The following EXOC3L2 variants were observed in gnomAD, a reference collection of about 807,000 sequenced individuals.
EXOC3L2 encodes the protein exocyst complex component 3-like protein 2.
A neutral mutation model predicts 44.4 loss-of-function variants in EXOC3L2; 17 were observed. That is an observed-to-expected ratio of 0.38 (90% confidence interval 0.26 to 0.57). The LOEUF (loss-of-function observed/expected upper bound fraction) is 0.57. Among genes scored for constraint, EXOC3L2 ranks in the 20% least tolerant of loss-of-function variants. EXOC3L2 has a pLI of 0.65. For missense variants in EXOC3L2, 541 were observed against 588.4 expected, an observed-to-expected ratio of 0.92 and a Z score of 0.83; for synonymous variants, 256 against 253.7, an observed-to-expected ratio of 1.01 and a Z score of -0.09.
chr19:45,217,471 G>C (rs1969847206), intron 10 of EXOC3L2, 57 bp downstream of exon 10: 4 of 1,473,486 alleles, frequency 2.7e-6, no homozygotes, highest in Non-Finnish European at 3.6e-6. Context: ...TGAGATTCTC[G>C]GAAGCCAAGC....
rs576045063 is a variant in EXOC3L2 at position 45,234,140 on chromosome 19, AG to A, written c.1157+52del. 2.3e-5 allele frequency: 9 copies of A among 385,714 alleles called. No individual in the cohort carries two copies. The South Asian group carries it at 1.0e-3, about 44-fold the overall frequency. 23.9% of individuals were successfully genotyped at this position (385,714 alleles called of 1,614,324 possible). ...CTTAAGGTCTGAAGAAGCCAGTGCT[AG>A]GGGGTAGGGCTGAGGGTTTCACGTG... is the stretch of plus-strand genomic sequence containing the variant. On this transcript the variant is annotated intron_variant, in intron 3 of 11. Transcript: ENST00000413988. This position sits in a 1 kb window ranked among gnomAD's most constrained non-coding sequence, Gnocchi z 5.0.
Position 45,217,519 on chromosome 19 carries a change from G to A in EXOC3L2, c.1998+9C>T, listed in dbSNP as rs1969848105. 17 of 1,572,066 alleles carry A rather than the reference G, an allele frequency of 1.1e-5. No homozygotes were observed. Among genetic ancestry groups the A allele is most frequent in the Admixed American group, 5.4e-5 (3 of 55,930 alleles). The stretch of plus-strand genomic sequence containing the variant: ...TCTGAAACACCCCCAACCGCGTCCC[G>A]ACACTGACCAGCCGCCGGAACAGCC... On this transcript the variant is annotated intron_variant, in intron 10 of 11. Transcript: ENST00000413988.
At position 45,213,031 on chromosome 19, in the gene EXOC3L2, C is replaced by T. The variant is rs1568478148; in HGVS notation, c.*38G>A. ...GTACGGGAGGTTGGCTTGTCAGCAG[C>T]ATAGATGGGGTCACTAAGGCCGGCG... On this transcript the variant is annotated 3_prime_UTR_variant, in exon 12 of 12. Transcript: ENST00000413988. The T allele has an allele frequency of 7.6e-6, 11 of 1,451,676 alleles. No individual in the cohort carries two copies. The highest frequency in any genetic ancestry group is 9.0e-6 in the Non-Finnish European group (10 of 1,107,796). The allele number at this position is 1,451,676 out of a possible 1,614,324, so 89.9% of individuals were successfully genotyped here. A position where few individuals can be genotyped will look rare whatever the true frequency, so the allele number is the denominator to read the frequency against.
chr19:45,231,772 T>C lies in EXOC3L2; in HGVS notation c.1260A>G (p.Thr420=), dbSNP rs1427142003. The part of the protein sequence containing the change: ...TLRGLEDECV[T]DVKAQTRAAL... ...GCAAAGTTCCAGGTACCTTAACATC[T>C]GTGACGCATTCATCCTCCAAACCCC... is the stretch of plus-strand genomic sequence containing the variant. Residue 420 remains threonine, a synonymous_variant, in exon 4 of 12, where the codon ACA becomes ACG. Coordinates refer to ENST00000413988, the MANE Select transcript of EXOC3L2 (RefSeq NM_001382422.1). The C allele has an allele frequency of 6.2e-7, 1 of 1,608,930 alleles. No individual in the cohort carries two copies. Among genetic ancestry groups the C allele is most frequent in the South Asian group, 1.1e-5 (1 of 90,740 alleles).
intron 11 of EXOC3L2, 138 bp from the exon 12 acceptor site, chr19:45,213,495 G>T (rs1599758896): frequency 2.1e-6 from 2 of 972,614 alleles, no homozygotes; most frequent in East Asian, 2.8e-5. Context: ...CCCCTCCAGA[G>T]CCTTCCCTCC....
chr19:45,218,219 C>A lies in EXOC3L2; in HGVS notation c.1820G>T (p.Arg607Ile), dbSNP rs1275911330. 1 of 1,381,324 alleles carries A rather than the reference C, an allele frequency of 7.2e-7. No individual in the cohort carries two copies. The highest frequency in any genetic ancestry group is 9.6e-7 in the Non-Finnish European group (1 of 1,037,824). 85.6% of individuals were successfully genotyped at this position (1,381,324 alleles called of 1,614,324 possible). A position where few individuals can be genotyped will look rare whatever the true frequency, so the allele number is the denominator to read the frequency against. The change falls in exon 9 of 12, where the codon AGA becomes ATA. Residue 607 changes from arginine to isoleucine, a missense_variant. Coordinates refer to ENST00000413988, the MANE Select transcript of EXOC3L2 (RefSeq NM_001382422.1). ...CACCTGGTAAGGCTCGTCCTGCATT[C>A]TGCGCAGGGCCAGGGCCTGGGCACC... ...TLGAQALALR[R>I]MQDEPYQALV...
At chr19:45,217,374 G>A (rs1167843563) in intron 10 of EXOC3L2, among the ~76,000 whole-genome samples, 154 bp downstream of exon 10, 1 of 152,152 alleles carries the variant, frequency 6.6e-6, no homozygotes, top group Non-Finnish European at 1.5e-5. Context: ...AAAGGGTGTC[G>A]GTCAAAGTTA....
rs1027937837 is a variant in EXOC3L2 at position 45,217,784 on chromosome 19, C to T, written c.1843-101G>A. 34 of 1,320,730 alleles carry T rather than the reference C, an allele frequency of 2.6e-5. 1 individual carries two copies. In the African/African-American group the frequency reaches 4.8e-4, roughly 19 times the overall value. The allele number at this position is 1,320,730 out of a possible 1,614,324, so 81.8% of individuals were successfully genotyped here. A position where few individuals can be genotyped will look rare whatever the true frequency, so the allele number is the denominator to read the frequency against. On this transcript the variant is annotated intron_variant, in intron 9 of 11. Transcript: ENST00000413988. The stretch of plus-strand genomic sequence containing the variant: ...CCCCCGCCCCACTCGCCCACATCCA[C>T]TCCGGGCACCCATGGGCACCCTTCC...
intron 8 of EXOC3L2, among the ~76,000 whole-genome samples, chr19:45,219,599 G>T (rs1340362041): frequency 2.0e-5 from 3 of 151,956 alleles, no homozygotes; most frequent in Admixed American, 1.3e-4. Flanking sequence ...CCTCCTTTTT[G>T]AAAGTTGCCT....
chr19:45,236,132 G>A (rs562138954), intron 2 of EXOC3L2, among the ~76,000 whole-genome samples: 1 of 151,780 alleles, frequency 6.6e-6, no homozygotes, highest in African/African-American at 2.4e-5. Context: ...TTGGAGAGGT[G>A]GGGGAGGGGA....
chr19:45,224,826 G>C lies in EXOC3L2; in HGVS notation c.1671C>G (p.Thr557=). Residue 557 remains threonine (T), a synonymous_variant, in exon 8 of 12, where the codon ACC becomes ACG. Transcript: ENST00000413988. Reference sequence around the variant, plus strand: ...TGGCCACGACACGGTGGCAGAGCCGGGTCACATGGTCCAGAGCACTAGCAG... The same window carrying C: ...TGGCCACGACACGGTGGCAGAGCCGCGTCACATGGTCCAGAGCACTAGCAG... The part of the protein sequence containing the change: ...EASASALDHV[T]RLCHRVVANL... 1 of 1,589,650 alleles carries C rather than the reference G, an allele frequency of 6.3e-7. No homozygotes were observed. Among genetic ancestry groups the C allele is most frequent in the Non-Finnish European group, 8.6e-7 (1 of 1,168,406 alleles).
At position 45,238,932 on chromosome 19, in the gene EXOC3L2, T is replaced by A. The variant is rs1229807787; in HGVS notation, c.114A>T (p.Glu38Asp). The change falls in exon 2 of 12, where the codon GAA (glutamate) becomes GAT (aspartate). Residue 38 changes from glutamate to aspartate, a missense_variant. Physicochemically the swap from Glu to Asp is conservative, Grantham distance 45. Coordinates refer to ENST00000413988, the MANE Select transcript of EXOC3L2 (RefSeq NM_001382422.1). The surrounding 1 kb of genome is among the most constrained non-coding windows in gnomAD (Gnocchi z 5.5). ...GGAGGGACCCCAGCTCCCCGGCCTC[T>A]TCTTCCTCCAGCCCTGAAACTTCTT... The part of the protein sequence containing the change: ...PFEEVSGLEE[E>D]EAGELGSLPN... 1 of 399,208 alleles carries A rather than the reference T, an allele frequency of 2.5e-6. No individual in the cohort carries two copies. Among genetic ancestry groups the A allele is most frequent in the Admixed American group, 4.4e-5 (1 of 22,728 alleles). 24.7% of individuals were successfully genotyped at this position (399,208 alleles called of 1,614,324 possible). A position where few individuals can be genotyped will look rare whatever the true frequency, so the allele number is the denominator to read the frequency against.
At chr19:45,243,781 C>G (rs542194805) in intron 1 of EXOC3L2, among the ~76,000 whole-genome samples, 5 of 152,226 alleles carry the variant, frequency 3.3e-5, no homozygotes, top group African/African-American at 7.2e-5. Context: ...AGGTGCCCAC[C>G]ACCACGCCTG....
At chr19:45,245,306 G>C (rs1352024765) in intron 1 of EXOC3L2, 35 bp downstream of exon 1, 1 of 152,314 alleles carries the variant, frequency 6.6e-6, no homozygotes, top group Non-Finnish European at 1.5e-5. Context: ...CCCTGGGGAA[G>C]GGGGACCCCT....
intron 1 of EXOC3L2, among the ~76,000 whole-genome samples, chr19:45,245,119 C>G (rs10415524): frequency 0.011 from 1,665 of 152,004 alleles, 26 homozygotes; most frequent in African/African-American, 0.038. Flanking sequence ...CCCCGCGAGT[C>G]CTCAAATTCT....
Position 45,228,210 on chromosome 19 carries a change from C to T in EXOC3L2, c.1326G>A (p.Gly442=), listed in dbSNP as rs747209872. Residue 442 remains glycine, a synonymous_variant, in exon 5 of 12, where the codon GGG becomes GGA. Transcript: ENST00000413988. ...GGCTGCTGGGCTGGTCCTCCAGGCT[C>T]CCCCAGTGCTCTTCGTCCTCCTGCA... ...RVLQEDEEHW[G]SLEDQPSSLA... is the part of the protein sequence containing the mutation. 1 of 1,614,132 alleles carries T rather than the reference C, an allele frequency of 6.2e-7. No homozygotes were observed. Among genetic ancestry groups the T allele is most frequent in the Non-Finnish European group, 8.5e-7 (1 of 1,180,024 alleles).
At position 45,238,583 on chromosome 19, in the gene EXOC3L2, C is replaced by T; in HGVS notation, c.463G>A (p.Ala155Thr). The T allele has an allele frequency of 2.5e-6, 1 of 399,714 alleles. No individual in the cohort carries two copies. The highest frequency in any genetic ancestry group is 4.4e-6 in the Non-Finnish European group (1 of 226,458). The allele number at this position is 399,714 out of a possible 1,614,324, so 24.8% of individuals were successfully genotyped here. ...ACCTTGGGTGGGGGCTCTGGAGCTG[C>T]CTCGCCTGCAGGCACCACTCTCTCA... ...LAERVVPAGE[A>T]APEPPPKVPE... The change falls in exon 2 of 12, where the codon GCA becomes ACA. Residue 155 changes from alanine to threonine, a missense_variant. Transcript: ENST00000413988. The surrounding 1 kb of genome is among the most constrained non-coding windows in gnomAD (Gnocchi z 5.5).
At chr19:45,219,348 C>A (rs886071869) in intron 8 of EXOC3L2, among the ~76,000 whole-genome samples, 3 of 136,628 alleles carry the variant, frequency 2.2e-5, no homozygotes, top group Admixed American at 1.6e-4. Flanking sequence ...GAAATATGAT[C>A]ATGATACTGC....
At chr19:45,236,209 T>C (rs142903844) in intron 2 of EXOC3L2, among the ~76,000 whole-genome samples, 123 of 152,100 alleles carry the variant, frequency 8.1e-4, no homozygotes, top group African/African-American at 2.8e-3. Flanking sequence ...CGGTGGCTCA[T>C]GCCTGTACTC....
Sources: allele counts gnomAD v4.1 joint callset (sites outside exome capture counted in the v4.1 genomes callset), GRCh38; gene constraint gnomAD v4.1.1; non-coding constraint Gnocchi (gnomAD v3.1); transcripts MANE v1.5; gene names NCBI Gene and HGNC (gene_info 2026-07-23, HGNC 2026-07-21).